INPP4B: variants seen among roughly 807,000 people sequenced by gnomAD.
The protein encoded by INPP4B is inositol polyphosphate-4-phosphatase type II B.
Under a neutral mutation model 122.5 loss-of-function variants are expected in INPP4B, and 55 were observed. The observed-to-expected ratio is 0.45, with a 90% CI of 0.36 to 0.56. The LOEUF is 0.56. Ranked by LOEUF, INPP4B falls within the 20% of genes least tolerant of loss-of-function variation. The pLI is 0.00. For missense variants in INPP4B, 1,000 were observed against 1,097.7 expected, an observed-to-expected ratio of 0.91 and a Z score of 1.26; for synonymous variants, 403 against 388.7, an observed-to-expected ratio of 1.04 and a Z score of -0.43.
intron 1 of INPP4B, among the ~76,000 whole-genome samples, chr4:142,833,114 A>G (rs1782368210): frequency 6.6e-6 from 1 of 152,038 alleles, no homozygotes; most frequent in African/African-American, 2.4e-5. Flanking sequence ...AATAATATAC[A>G]CAAGTGAAGT....
intron 18 of INPP4B, among the ~76,000 whole-genome samples, chr4:142,130,233 A>G (rs1380424651): frequency 6.6e-6 from 1 of 152,200 alleles, no homozygotes; most frequent in East Asian, 1.9e-4. Flanking sequence ...TTGTAGGAAT[A>G]GAGACTGAGA....
intron 12 of INPP4B, among the ~76,000 whole-genome samples, chr4:142,230,373 C>T (rs1034586972): frequency 2.6e-5 from 4 of 151,990 alleles, no homozygotes; most frequent in East Asian, 1.9e-4. Flanking sequence ...AGGCCGGGAG[C>T]GGTGGCTCAC....
chr4:142,170,803 T>A (rs980596073), intron 16 of INPP4B, among the ~76,000 whole-genome samples: 1 of 151,782 alleles, frequency 6.6e-6, no homozygotes, highest in Non-Finnish European at 1.5e-5. Context: ...TTCTACCTTT[T>A]CTGTTGAGCA....
At chr4:142,317,379 C>A in intron 7 of INPP4B, 1 of 321,588 alleles carries the variant, frequency 3.1e-6, no homozygotes. Context: ...TGCTTATGAT[C>A]AACATTTAAA....
At chr4:142,301,794 T>C (rs1462128718) in intron 9 of INPP4B, among the ~76,000 whole-genome samples, 1 of 152,188 alleles carries the variant, frequency 6.6e-6, no homozygotes, top group African/African-American at 2.4e-5. Context: ...GCTGGAACAC[T>C]TTCCTCTGTC....
intron 3 of INPP4B, among the ~76,000 whole-genome samples, chr4:142,452,075 C>A (rs1234546123): frequency 2.6e-5 from 4 of 152,136 alleles, no homozygotes; most frequent in Non-Finnish European, 4.4e-5. Flanking sequence ...GCCGACAGGC[C>A]TCTGTGTGTG....
At chr4:142,206,090 G>C (rs572570667) in intron 14 of INPP4B, among the ~76,000 whole-genome samples, 1 of 152,128 alleles carries the variant, frequency 6.6e-6, no homozygotes, top group Admixed American at 6.6e-5. Context: ...TTACATGGTA[G>C]AAGGTGGAAA....
intron 1 of INPP4B, among the ~76,000 whole-genome samples, chr4:142,806,967 G>A (rs1449911898): frequency 6.6e-6 from 1 of 152,104 alleles, no homozygotes; most frequent in African/African-American, 2.4e-5. Flanking sequence ...TTCTCATCAT[G>A]TCTGCCCCTC....
intron 2 of INPP4B, among the ~76,000 whole-genome samples, chr4:142,527,072 T>A (rs1460220707): frequency 3.3e-5 from 5 of 152,014 alleles, no homozygotes. Flanking sequence ...CTATTAATTT[T>A]GTAATAGAAA....
intron 1 of INPP4B, among the ~76,000 whole-genome samples, chr4:142,842,541 C>T (rs1171776986): frequency 1.4e-5 from 2 of 140,658 alleles, no homozygotes; most frequent in Non-Finnish European, 1.5e-5. Flanking sequence ...ATAATATATA[C>T]AATATCTATT....
chr4:142,438,610 C>G (rs1811040730), intron 3 of INPP4B, among the ~76,000 whole-genome samples: 1 of 152,078 alleles, frequency 6.6e-6, no homozygotes, highest in African/African-American at 2.4e-5. Flanking sequence ...TAGAAGAAAA[C>G]CTAGGAAATA....
chr4:142,296,797 C>A (rs1758895980), intron 9 of INPP4B, among the ~76,000 whole-genome samples: 1 of 152,194 alleles, frequency 6.6e-6, no homozygotes. Flanking sequence ...TCCCCAAGTT[C>A]TATAAATTGA....
chr4:142,802,856 G>T (rs1029518641), intron 1 of INPP4B, among the ~76,000 whole-genome samples: 1 of 151,736 alleles, frequency 6.6e-6, no homozygotes, highest in Admixed American at 6.6e-5. Flanking sequence ...GTTGAACGCG[G>T]TATCTGGTAG....
chr4:142,423,645 G>A, intron 5 of INPP4B: 1 of 263,484 alleles, frequency 3.8e-6, no homozygotes, highest in Non-Finnish European at 7.5e-6. Flanking sequence ...ATATTGTTGT[G>A]AAAAAACTGA....
intron 1 of INPP4B, among the ~76,000 whole-genome samples, chr4:142,732,953 C>T (rs1485319834): frequency 6.6e-6 from 1 of 151,950 alleles, no homozygotes; most frequent in Non-Finnish European, 1.5e-5. Context: ...GTAACTGGTA[C>T]AAAGACAGAC....
At chr4:142,586,943 T>C (rs1481268740) in intron 2 of INPP4B, among the ~76,000 whole-genome samples, 2 of 152,146 alleles carry the variant, frequency 1.3e-5, no homozygotes, top group Non-Finnish European at 2.9e-5. Flanking sequence ...CTACAAATTC[T>C]GAAATATGGT....
rs545906444 is a variant in INPP4B, at chr4:142,767,274, G to A, written c.-253-41373C>T. 1.6e-3 allele frequency among the ~76,000 whole-genome samples: 248 copies of A among 152,286 alleles called. 2 individuals carry two copies. The highest frequency in any genetic ancestry group is 3.1e-3 in the Non-Finnish European group (208 of 68,028). ...AAAGTGGGAATTCATTTGAAAGAGGGTGAAAATCTAAAGAAGCAGTATGCC... is the reference window on the plus strand; with the variant it reads ...AAAGTGGGAATTCATTTGAAAGAGGATGAAAATCTAAAGAAGCAGTATGCC... On this transcript the variant is annotated intron_variant, in intron 1 of 25. Transcript: ENST00000262992.
At chr4:142,470,623 G>A (rs923284986) in intron 2 of INPP4B, among the ~76,000 whole-genome samples, 3 of 152,130 alleles carry the variant, frequency 2.0e-5, no homozygotes, top group Non-Finnish European at 4.4e-5. Context: ...ACAAACGACT[G>A]TCAAATATTT....
At chr4:142,056,734 T>C (rs1358795901) in intron 25 of INPP4B, among the ~76,000 whole-genome samples, 2 of 152,130 alleles carry the variant, frequency 1.3e-5, no homozygotes, top group Non-Finnish European at 2.9e-5. Context: ...CAGCCTCAAG[T>C]GCTAAAATGG....
Sources: gnomAD v4.1 joint callset for allele counts (sites outside exome capture counted in the v4.1 genomes callset) on GRCh38, gnomAD v4.1.1 for gene constraint, MANE v1.5 for transcripts, NCBI Gene and HGNC (gene_info 2026-07-23, HGNC 2026-07-21) for gene names.